The following PKIA variants were observed in gnomAD, a reference collection of about 807,000 sequenced individuals.
PKIA encodes cAMP-dependent protein kinase inhibitor alpha.
In PKIA, 4 loss-of-function variants were observed where a neutral mutation model predicts 7.6. The observed-to-expected ratio is 0.52, with a 90% CI of 0.26 to 1.20. The LOEUF (loss-of-function observed/expected upper bound fraction) is 1.20. PKIA is among the 50% of genes most tolerant of loss of function. The pLI is 0.13. For synonymous variants in PKIA, 21 were observed against 30.7 expected (o/e 0.68, Z 1.04); for missense variants, 73 against 86.2 (o/e 0.85, Z 0.61).
chr8:78,530,566 T>C (rs1240475294), intron 1 of PKIA, among the ~76,000 whole-genome samples: 5 of 152,078 alleles, frequency 3.3e-5, no homozygotes, highest in Non-Finnish European at 2.9e-5. Flanking sequence ...GCAGCTCCTC[T>C]TGAGTATACC....
chr8:78,576,878 A>T (rs1034233632), intron 2 of PKIA, among the ~76,000 whole-genome samples: 22 of 152,104 alleles, frequency 1.4e-4, no homozygotes, highest in African/African-American at 5.1e-4. Context: ...AGACACATGC[A>T]TACAAATGTT....
chr8:78,523,123 A>G (rs945706859), intron 1 of PKIA, among the ~76,000 whole-genome samples: 1 of 151,910 alleles, frequency 6.6e-6, no homozygotes, highest in African/African-American at 2.4e-5. Flanking sequence ...TGCTAAAAGG[A>G]CAAAGATGAA....
intron 1 of PKIA, among the ~76,000 whole-genome samples, chr8:78,530,935 G>A (rs1334731635): frequency 6.6e-6 from 1 of 152,060 alleles, no homozygotes; most frequent in Admixed American, 6.6e-5. Flanking sequence ...TCACTTGTAA[G>A]ATCTGCCTTA....
intron 1 of PKIA, among the ~76,000 whole-genome samples, chr8:78,526,183 C>T (rs1397693689): frequency 6.6e-6 from 1 of 151,920 alleles, no homozygotes; most frequent in Non-Finnish European, 1.5e-5. Context: ...TTGAAATGAC[C>T]CTGAATCTCA....
At chr8:78,598,029 T>C (rs943857524) in intron 2 of PKIA, among the ~76,000 whole-genome samples, 9 of 150,388 alleles carry the variant, frequency 6.0e-5, no homozygotes, top group African/African-American at 1.9e-4. Flanking sequence ...ACAAATATAA[T>C]ACATAATACT....
intron 2 of PKIA, among the ~76,000 whole-genome samples, chr8:78,574,278 ATCT>A (rs1303668252): frequency 2.6e-5 from 4 of 151,992 alleles, no homozygotes; most frequent in Non-Finnish European, 5.9e-5. Flanking sequence ...AACATTCAAA[ATCT>A]TCTCTTCTAG....
chr8:78,527,852 A>G (rs1806286386), intron 1 of PKIA, among the ~76,000 whole-genome samples: 1 of 152,038 alleles, frequency 6.6e-6, no homozygotes, highest in Non-Finnish European at 1.5e-5. Context: ...TGAGGAATAC[A>G]TTGTCCTATG....
intron 2 of PKIA, among the ~76,000 whole-genome samples, chr8:78,594,253 C>T (rs1808175248): frequency 1.3e-5 from 2 of 151,988 alleles, no homozygotes; most frequent in South Asian, 4.1e-4. Flanking sequence ...TGGGGAAAAA[C>T]TGTTACGGGT....
chr8:78,524,349 T>C (rs888125483), intron 1 of PKIA, among the ~76,000 whole-genome samples: 9 of 150,982 alleles, frequency 6.0e-5, no homozygotes, highest in African/African-American at 2.2e-4. Context: ...TTTTTTAAAC[T>C]AGTGCCATCA....
chr8:78,532,977 G>A (rs928036127), intron 1 of PKIA, among the ~76,000 whole-genome samples: 2 of 152,056 alleles, frequency 1.3e-5, no homozygotes, highest in African/African-American at 4.8e-5. Flanking sequence ...TTTGTCCAGC[G>A]CCTGGTCTTG....
intron 2 of PKIA, among the ~76,000 whole-genome samples, chr8:78,589,941 C>G (rs921156690): frequency 3.3e-5 from 5 of 152,106 alleles, no homozygotes; most frequent in African/African-American, 1.2e-4. Context: ...ACCATTTTTA[C>G]TTGAACGAAC....
At chr8:78,597,874 T>A (rs1808261020) in intron 2 of PKIA, among the ~76,000 whole-genome samples, 1 of 151,786 alleles carries the variant, frequency 6.6e-6, no homozygotes, top group Admixed American at 6.6e-5. Context: ...TAAATGCCCA[T>A]CAACAGTGGA....
chr8:78,557,923 TTATG>T (rs1266173696), intron 1 of PKIA, among the ~76,000 whole-genome samples: 2 of 152,224 alleles, frequency 1.3e-5, no homozygotes, highest in African/African-American at 4.8e-5. Context: ...TTTTGTAAAT[TTATG>T]TGACACTTTG....
intron 2 of PKIA, among the ~76,000 whole-genome samples, chr8:78,595,765 T>C (rs758127384): frequency 6.6e-6 from 1 of 152,152 alleles, no homozygotes; most frequent in Non-Finnish European, 1.5e-5. Flanking sequence ...GACATGATCT[T>C]GTCCACTGTT....
At chr8:78,538,921 C>T (rs1239045360) in intron 1 of PKIA, among the ~76,000 whole-genome samples, 2 of 152,034 alleles carry the variant, frequency 1.3e-5, no homozygotes, top group Non-Finnish European at 2.9e-5. Context: ...AAAGGTATTA[C>T]ATCTGTTTCT....
intron 1 of PKIA, among the ~76,000 whole-genome samples, chr8:78,544,114 A>C (rs1368202981): frequency 1.3e-5 from 2 of 152,184 alleles, no homozygotes; most frequent in Non-Finnish European, 2.9e-5. Context: ...AAAAATTATT[A>C]AATGACACTT....
chr8:78,581,541 G>A (rs1391370694), intron 2 of PKIA, among the ~76,000 whole-genome samples: 1 of 152,094 alleles, frequency 6.6e-6, no homozygotes, highest in Admixed American at 6.6e-5. Context: ...ATTGTCTGTT[G>A]ATAGGATGTG....
chr8:78,601,473 A>T (rs1353344302), intron 3 of PKIA, among the ~76,000 whole-genome samples: 16 of 152,038 alleles, frequency 1.1e-4, no homozygotes, highest in Admixed American at 1.1e-3. Context: ...TATTTATCCA[A>T]AGCTTGGCTG....
intron 2 of PKIA, among the ~76,000 whole-genome samples, chr8:78,575,060 T>C (rs1807641366): frequency 6.6e-6 from 1 of 152,002 alleles, no homozygotes; most frequent in Admixed American, 6.6e-5. Context: ...TTCTCCACAA[T>C]TAATGTCTAA....
Sources: gnomAD v4.1 joint callset for allele counts (sites outside exome capture counted in the v4.1 genomes callset) on GRCh38, gnomAD v4.1.1 for gene constraint, MANE v1.5 for transcripts, NCBI Gene and HGNC (gene_info 2026-07-23, HGNC 2026-07-21) for gene names.